The following PPP6R2 variants were observed in gnomAD, a reference collection of about 807,000 sequenced individuals.
PPP6R2 encodes the protein protein phosphatase 6 regulatory subunit 2, also known as serine/threonine-protein phosphatase 6 regulatory subunit 2.
PPP6R2 carries 62 observed loss-of-function variants against 100.2 expected under a neutral mutation model. The ratio of observed to expected loss-of-function variants is 0.62; its 90% confidence interval spans 0.50 to 0.76. PPP6R2 has a LOEUF of 0.76. Among genes scored for constraint, PPP6R2 ranks in the 30% least tolerant of loss-of-function variants. The pLI, the probability that PPP6R2 is intolerant of heterozygous loss-of-function variation, is 0.00. For missense variants in PPP6R2, 1,142 were observed against 1,276.3 expected (o/e 0.89, Z 1.60); for synonymous variants, 525 against 514.7 (o/e 1.02, Z -0.27).
At position 50,436,462 on chromosome 22, in the gene PPP6R2, C is replaced by T. The variant is rs1266538755; in HGVS notation, c.1602+10C>T. ...GAACACTGTGGACCTGGTGAGGAGGCTCGGGGCTGCCCCCTCGGTGCACGC... is the reference window on the plus strand; with the variant it reads ...GAACACTGTGGACCTGGTGAGGAGGTTCGGGGCTGCCCCCTCGGTGCACGC... On this transcript the variant is annotated intron_variant, in intron 14 of 23. Transcript: ENST00000612753. 1.3e-6 allele frequency: 2 copies of T among 1,578,112 alleles called. No individual in the cohort carries two copies. The highest frequency in any genetic ancestry group is 1.9e-5 in the Admixed American group (1 of 53,330).
At position 50,419,336 on chromosome 22, in the gene PPP6R2, G is replaced by T. The variant is rs772115986; in HGVS notation, c.732-13G>T. 8.7e-6 allele frequency: 14 copies of T among 1,604,458 alleles called. No homozygotes were observed. The highest frequency in any genetic ancestry group is 1.1e-5 in the Non-Finnish European group (13 of 1,171,276). On this transcript the variant is annotated splice_polypyrimidine_tract_variant and intron_variant, in intron 7 of 23. Coordinates refer to ENST00000612753, the MANE Select transcript of PPP6R2 (RefSeq NM_001242898.2). ...TGCTCTGCCAGGCAGTGACCTCTGTGTGTGTCCAGCAGGCAGGACTGTGTG... is the reference window on the plus strand; with the variant it reads ...TGCTCTGCCAGGCAGTGACCTCTGTTTGTGTCCAGCAGGCAGGACTGTGTG...
intron 3 of PPP6R2, among the ~76,000 whole-genome samples, chr22:50,405,204 C>T (rs1344847363): frequency 6.6e-6 from 1 of 152,100 alleles, no homozygotes; most frequent in Non-Finnish European, 1.5e-5. Context: ...GAAATGGCCA[C>T]AGATGTGGCC....
intron 1 of PPP6R2, among the ~76,000 whole-genome samples, chr22:50,354,283 C>T (rs776819966): frequency 9.2e-5 from 14 of 151,414 alleles, no homozygotes; most frequent in African/African-American, 1.2e-4. Context: ...CCAGCCTGGG[C>T]GACGGAGCGA....
chr22:50,439,977 A>G lies in PPP6R2; in HGVS notation c.2302A>G (p.Arg768Gly). The change falls in exon 21 of 24, where the codon AGG becomes GGG. Residue 768 changes from arginine (R) to glycine (G), a missense_variant. Physicochemically the swap from Arg to Gly is moderately radical, Grantham distance 125. This residue lies in a region of PPP6R2 where 550 missense variants were observed against 517.4 expected (regional missense o/e 1.06). Coordinates refer to ENST00000612753, the MANE Select transcript of PPP6R2 (RefSeq NM_001242898.2). ...TGTATGCAGCTCCGAGTCAGGGCCC[A>G]GGTGCAGCTCTCCGGTGGACACAGA... ...QPFCCSESGP[R>G]CSSPVDTECS... The G allele has an allele frequency of 1.2e-6, 2 of 1,613,598 alleles. No homozygotes were observed. The highest frequency in any genetic ancestry group is 1.7e-6 in the Non-Finnish European group (2 of 1,179,928).
chr22:50,335,477 C>T, the PPP6R2 span, among the ~76,000 whole-genome samples: 1 of 150,458 alleles, frequency 6.6e-6, no homozygotes, highest in Non-Finnish European at 1.5e-5. Context: ...TTACAGGTGA[C>T]AGCCACCGCA....
chr22:50,338,901 GGT>G (rs1416701885), upstream of PPP6R2, among the ~76,000 whole-genome samples: 13 of 102,138 alleles, frequency 1.3e-4, 1 homozygote, highest in Admixed American at 9.4e-4. Flanking sequence ...GGGTATGTGT[GGT>G]GTGTGTGGTA....
At chr22:50,432,539 G>C (rs899170314) in intron 12 of PPP6R2, among the ~76,000 whole-genome samples, 1 of 152,200 alleles carries the variant, frequency 6.6e-6, no homozygotes, top group African/African-American at 2.4e-5. Flanking sequence ...AGGGGACACA[G>C]GGAGCCGACA....
chr22:50,333,033 G>T, the PPP6R2 span, among the ~76,000 whole-genome samples: 64 of 152,152 alleles, frequency 4.2e-4, no homozygotes, highest in South Asian at 0.013. Context: ...CAGCTACTTG[G>T]GAGGCTGAAG....
intron 1 of PPP6R2, among the ~76,000 whole-genome samples, chr22:50,343,920 TCCAGTCAGTTTCCCC>T (rs2042846091): frequency 8.7e-5 from 1 of 11,498 alleles, no homozygotes; most frequent in Non-Finnish European, 1.3e-4. Context: ...CAGTGCCCCC[TCCAGTCAGTTTCCCC>T]CCAGTCAGTG....
At chr22:50,337,656 GGT>G in the PPP6R2 span, among the ~76,000 whole-genome samples, 2 of 105,102 alleles carry the variant, frequency 1.9e-5, no homozygotes. Flanking sequence ...GTGTGTGTGT[GGT>G]GTGTGTGGTG....
chr22:50,406,611 A>G, intron 3 of PPP6R2, 78 bp from the exon 4 acceptor site: 11 of 1,389,756 alleles, frequency 7.9e-6, no homozygotes, highest in Non-Finnish European at 1.1e-5. Flanking sequence ...GCTTCCTAAG[A>G]AGCAGACTAT....
chr22:50,398,118 C>A (rs1041604702), intron 3 of PPP6R2, among the ~76,000 whole-genome samples: 2 of 151,492 alleles, frequency 1.3e-5, no homozygotes, highest in Non-Finnish European at 2.9e-5. Flanking sequence ...GGATCACTTA[C>A]GCCCAGGAGT....
the PPP6R2 span, among the ~76,000 whole-genome samples, chr22:50,333,192 T>C: frequency 6.6e-6 from 1 of 152,240 alleles, no homozygotes; most frequent in East Asian, 1.9e-4. Flanking sequence ...CAATCGATGA[T>C]AATTGTGAGG....
intron 2 of PPP6R2, among the ~76,000 whole-genome samples, chr22:50,392,210 CTGAT>C (rs2148858138): frequency 6.6e-6 from 1 of 152,146 alleles, no homozygotes; most frequent in South Asian, 2.1e-4. Context: ...AGAAGGAAAA[CTGAT>C]TGCAGACCAG....
At chr22:50,427,803 CT>C (rs2062431945) in intron 10 of PPP6R2, among the ~76,000 whole-genome samples, 2 of 152,220 alleles carry the variant, frequency 1.3e-5, no homozygotes, top group Admixed American at 6.5e-5. Flanking sequence ...TCACTGCAGG[CT>C]CCGCCCCCCA....
In PPP6R2 at chr22:50,441,018, T is replaced by G. The variant is rs2273260; in HGVS notation, c.2571T>G (p.Ala857=). 298,941 of 1,583,220 alleles carry G rather than the reference T, an allele frequency of 0.19. 29,533 individuals are homozygous for G. Among genetic ancestry groups the G allele is most frequent in the East Asian group, 0.26 (11,317 of 43,822 alleles). Residue 857 remains alanine, a synonymous_variant, in exon 22 of 24, where the codon GCT becomes GCG. Coordinates refer to ENST00000612753, the MANE Select transcript of PPP6R2 (RefSeq NM_001242898.2). ...CCACAGTGGCCAGGACAGAGGAGGC[T>G]GTCGGCAGGTGTGTGGGGCGTGGCG... The part of the protein sequence containing the change: ...PLPTVARTEE[A]VGRVGCADSR...
chr22:50,364,251 C>T (rs1003655160), intron 1 of PPP6R2, among the ~76,000 whole-genome samples: 1 of 152,064 alleles, frequency 6.6e-6, no homozygotes, highest in Non-Finnish European at 1.5e-5. Flanking sequence ...GAAAAGGACC[C>T]TGTATAAATG....
chr22:50,355,738 GT>G (rs1212937059), intron 1 of PPP6R2, among the ~76,000 whole-genome samples: 1 of 145,940 alleles, frequency 6.9e-6, no homozygotes, highest in Non-Finnish European at 1.5e-5. Context: ...AGCCAGGATG[GT>G]CTCGATCTCC....
At chr22:50,382,536 T>C (rs539913552) in intron 2 of PPP6R2, among the ~76,000 whole-genome samples, 34 of 149,436 alleles carry the variant, frequency 2.3e-4, no homozygotes, top group African/African-American at 8.1e-4. Flanking sequence ...AAAAAAAAAT[T>C]CAAACAAAAA....
Sources: gnomAD v4.1 joint callset for allele counts (sites outside exome capture counted in the v4.1 genomes callset) on GRCh38, gnomAD v4.1.1 for gene constraint, gnomAD v4.1.1 regional missense constraint, MANE v1.5 for transcripts, NCBI Gene and HGNC (gene_info 2026-07-23, HGNC 2026-07-21) for gene names.